Variants in GDAP1 observed in about 807,000 individuals in gnomAD.
The protein encoded by GDAP1 is ganglioside induced differentiation associated protein 1, also known as ganglioside-induced differentiation-associated protein 1.
Under a neutral mutation model 40.1 loss-of-function variants are expected in GDAP1, and 34 were observed. That is an observed-to-expected ratio of 0.85 (90% CI 0.64 to 1.13). GDAP1 has a LOEUF of 1.13. Among genes scored for constraint, GDAP1 ranks in the 50% most tolerant of loss-of-function variants. The pLI, the probability that GDAP1 is intolerant of heterozygous loss-of-function variation, is 0.00. For missense variants in GDAP1, 374 were observed against 433.7 expected, an observed-to-expected ratio of 0.86 and a Z score of 1.22; for synonymous variants, 170 against 157.4, an observed-to-expected ratio of 1.08 and a Z score of -0.60.
intron 2 of GDAP1, among the ~76,000 whole-genome samples, chr8:74,461,534 G>A (rs1210552969): frequency 6.6e-6 from 1 of 152,162 alleles, no homozygotes; most frequent in African/African-American, 2.4e-5. Context: ...TTCATATGCT[G>A]CCAAAAAAAT....
Position 74,366,728 on chromosome 8 carries a change from A to G in GDAP1, c.*2361A>G, listed in dbSNP as rs1018112192. 2 of 453,162 alleles carry G rather than the reference A, an allele frequency of 4.4e-6. No homozygotes were observed. The highest frequency in any genetic ancestry group is 4.0e-5 in the African/African-American group (2 of 49,952). 28.1% of individuals were successfully genotyped at this position (453,162 alleles called of 1,614,324 possible). On this transcript the variant is annotated 3_prime_UTR_variant, in exon 6 of 6. Transcript: ENST00000220822. ...CCATTTTCCATAATTGCGGATAGTC[A>G]TAAATTGCTTGCTCAATTTTTAGTA... is the stretch of plus-strand genomic sequence containing the variant.
At chr8:74,429,123 A>G (rs1212319714) in intron 2 of GDAP1, among the ~76,000 whole-genome samples, 1 of 152,020 alleles carries the variant, frequency 6.6e-6, no homozygotes, top group African/African-American at 2.4e-5. Flanking sequence ...ATTGTTGGAC[A>G]TTTGGGTTGG....
intron 2 of GDAP1, among the ~76,000 whole-genome samples, chr8:74,396,347 C>T (rs1810199197): frequency 6.7e-6 from 1 of 149,970 alleles, no homozygotes; most frequent in Non-Finnish European, 1.5e-5. Context: ...TTCTTCCTTC[C>T]TTTTATTTTA....
chr8:74,387,941 T>C (rs1458218977), intron 2 of GDAP1, among the ~76,000 whole-genome samples: 2 of 152,222 alleles, frequency 1.3e-5, no homozygotes, highest in African/African-American at 4.8e-5. Flanking sequence ...TTTATCCATT[T>C]CTTCTATGTT....
intron 2 of GDAP1, among the ~76,000 whole-genome samples, chr8:74,422,333 CTTTCTTTCTTTCTTTCTTCCCTT>C (rs1563465395): frequency 3.6e-4 from 20 of 55,142 alleles, no homozygotes; most frequent in East Asian, 1.9e-3. Context: ...TTCTTTCTTT[CTTTCTTTCTTTCTTTCTTCCCTT>C]CCTTCCTTCC....
chr8:74,369,832 C>T (rs1809718212), downstream of GDAP1, among the ~76,000 whole-genome samples: 1 of 151,760 alleles, frequency 6.6e-6, no homozygotes, highest in Non-Finnish European at 1.5e-5. Flanking sequence ...AAGATATACA[C>T]AAGAGAATGA....
At chr8:74,449,617 T>G (rs561261015) in intron 2 of GDAP1, among the ~76,000 whole-genome samples, 22 of 151,848 alleles carry the variant, frequency 1.4e-4, no homozygotes, top group Admixed American at 3.3e-4. Flanking sequence ...TGCTCACAAA[T>G]TTTATTTTTC....
chr8:74,473,062 C>T (rs1166135759), intron 2 of GDAP1, among the ~76,000 whole-genome samples: 2 of 145,530 alleles, frequency 1.4e-5, no homozygotes, highest in Admixed American at 1.4e-4. Context: ...GCTTTTTTTC[C>T]TATGCTTGTT....
chr8:74,398,200 G>A (rs926229654), intron 2 of GDAP1, among the ~76,000 whole-genome samples: 1 of 151,864 alleles, frequency 6.6e-6, no homozygotes, highest in Non-Finnish European at 1.5e-5. Context: ...TTTTGTACAT[G>A]TTCATGTACC....
intron 2 of GDAP1, among the ~76,000 whole-genome samples, chr8:74,402,364 C>T (rs923641537): frequency 1.1e-4 from 16 of 150,320 alleles, no homozygotes; most frequent in Admixed American, 4.6e-4. Context: ...GAGCCAGTTG[C>T]GGGATATAAT....
intron 2 of GDAP1, among the ~76,000 whole-genome samples, chr8:74,408,767 C>A (rs1194359768): frequency 6.7e-6 from 1 of 150,094 alleles, no homozygotes; most frequent in Non-Finnish European, 1.5e-5. Context: ...GTATTGAATT[C>A]TCGACTTATT....
chr8:74,374,298 T>C (rs1355693381), intron 2 of GDAP1, among the ~76,000 whole-genome samples: 2 of 152,190 alleles, frequency 1.3e-5, no homozygotes, highest in Non-Finnish European at 2.9e-5. Flanking sequence ...GATTCCCTTG[T>C]TTTCTATTGA....
rs11310700 is a variant in GDAP1 at position 74,440,082 on chromosome 8, AT to A, written c.166-48592del. 7.8e-3 allele frequency among the ~76,000 whole-genome samples: 1,187 copies of A among 152,264 alleles called. 22 individuals are homozygous for A. Among genetic ancestry groups the A allele is most frequent in the African/African-American group, 0.027 (1,127 of 41,544 alleles). On this transcript the variant is annotated intron_variant, in intron 2 of 2. Coordinates refer to the GDAP1 transcript ENST00000523640. ...AGTGACTCTTCTTCATTAATTTAAA[AT>A]TTTGATTGTAAACTCCTTTTCACTG...
At chr8:74,477,572 G>T (rs777178463) in intron 2 of GDAP1, among the ~76,000 whole-genome samples, 12 of 152,074 alleles carry the variant, frequency 7.9e-5, no homozygotes, top group African/African-American at 1.4e-4. Context: ...CTCAGCTCAG[G>T]ACTCCTAGGC....
intron 2 of GDAP1, among the ~76,000 whole-genome samples, chr8:74,468,116 AT>A (rs1044294075): frequency 4.7e-5 from 7 of 148,900 alleles, no homozygotes; most frequent in African/African-American, 7.4e-5. Context: ...TTACTGTTCT[AT>A]TTTTTTTTGG....
At chr8:74,448,158 C>T (rs1806255763) in intron 2 of GDAP1, among the ~76,000 whole-genome samples, 1 of 152,126 alleles carries the variant, frequency 6.6e-6, no homozygotes, top group South Asian at 2.1e-4. Context: ...AGAAATTTCT[C>T]AATCATTACC....
intron 2 of GDAP1, among the ~76,000 whole-genome samples, chr8:74,451,923 C>CTTAATTTAATTTAAT (rs543598612): frequency 0.27 from 14,767 of 54,598 alleles, 5,659 homozygotes; most frequent in Non-Finnish European, 0.34. Context: ...TCTTTATTTT[C>CTTAATTTAATTTAAT]TTAATTTAAT....
intron 2 of GDAP1, among the ~76,000 whole-genome samples, chr8:74,354,802 A>C (rs1366368865): frequency 1.3e-5 from 2 of 152,218 alleles, no homozygotes; most frequent in Admixed American, 6.5e-5. Context: ...CATTTTGTCC[A>C]ATTATGGATG....
intron 2 of GDAP1, among the ~76,000 whole-genome samples, chr8:74,380,007 A>G (rs1809921626): frequency 6.6e-6 from 1 of 152,188 alleles, no homozygotes; most frequent in African/African-American, 2.4e-5. Context: ...AGCAGAATAT[A>G]CTGCACTTGG....
Sources: gnomAD v4.1 joint callset for allele counts (sites outside exome capture counted in the v4.1 genomes callset) on GRCh38, gnomAD v4.1.1 for gene constraint, MANE v1.5 for transcripts, NCBI Gene and HGNC (gene_info 2026-07-23, HGNC 2026-07-21) for gene names.